The following NELFCD variants were observed in gnomAD, a reference collection of about 807,000 sequenced individuals.
NELFCD encodes the protein negative elongation factor C/D.
In NELFCD, 48 loss-of-function variants were observed where a neutral mutation model predicts 72.9. That is an observed-to-expected ratio of 0.66 (90% CI 0.52 to 0.84). The LOEUF (loss-of-function observed/expected upper bound fraction) is 0.84, where lower values mean the gene tolerates loss of function less well. Among genes scored for constraint, NELFCD ranks in the 40% least tolerant of loss-of-function variants. NELFCD has a pLI of 0.00. For missense variants in NELFCD, 538 were observed against 723.8 expected (o/e 0.74, Z 2.94); for synonymous variants, 297 against 280.6 (o/e 1.06, Z -0.59).
intron 9 of NELFCD, chr20:58,991,660 C>T (rs2091818290): frequency 4.0e-6 from 3 of 743,398 alleles, no homozygotes; most frequent in Non-Finnish European, 6.4e-6. Flanking sequence ...TGAAATGTGA[C>T]TAAAGAAATG....
chr20:58,991,885 A>C lies in NELFCD; in HGVS notation c.1094A>C (p.Lys365Thr). Residue 365 changes from lysine to threonine, a missense_variant, in exon 10 of 15, where the codon AAG becomes ACG. Around this residue, in one of 3 missense-constraint regions of NELFCD, gnomAD observed 355 missense variants for 534.5 expected, o/e 0.66. Coordinates refer to ENST00000652272, the MANE Select transcript of NELFCD (RefSeq NM_198976.4). ...ASVVETWKKN[K>T]RVSINKDELK... ...AGCTTGTGTGTGTGTTTTCAGAACAAGCGAGTGAGCATCAATAAAGATGAG... is the reference window on the plus strand; with the variant it reads ...AGCTTGTGTGTGTGTTTTCAGAACACGCGAGTGAGCATCAATAAAGATGAG... 6.2e-7 allele frequency: 1 copy of C among 1,614,196 alleles called. No individual in the cohort carries two copies. The highest frequency in any genetic ancestry group is 8.5e-7 in the Non-Finnish European group (1 of 1,180,008).
chr20:58,990,636 C>T (rs1410149073), intron 7 of NELFCD: 1 of 348,186 alleles, frequency 2.9e-6, no homozygotes, highest in African/African-American at 2.1e-5. Flanking sequence ...CTCATTGTTA[C>T]AGTGTCGCAA....
rs2091840860 is a variant in NELFCD at position 58,994,256 on chromosome 20, A to G, written c.1711+17A>G. ...AGTTTATAGGTGAGGCCGACTGCCT[A>G]GCCCTTTACTACAATAGAAAATGTC... On this transcript the variant is annotated intron_variant, in intron 14 of 14. Transcript: ENST00000652272. The G allele has an allele frequency of 6.2e-7, 1 of 1,613,064 alleles. No homozygotes were observed. Among genetic ancestry groups the G allele is most frequent in the Non-Finnish European group, 8.5e-7 (1 of 1,179,372 alleles).
chr20:58,983,617 G>A lies in NELFCD; in HGVS notation c.60+2248G>A, dbSNP rs568554780. On this transcript the variant is annotated intron_variant, in intron 1 of 14. Transcript: ENST00000652272. ...ATTTTTGTATTTTTAGTAGAGATGTGGTTTCACCATGTTGGCCAGGCTGGT... is the reference window on the plus strand; with the variant it reads ...ATTTTTGTATTTTTAGTAGAGATGTAGTTTCACCATGTTGGCCAGGCTGGT... 2.0e-5 allele frequency among the ~76,000 whole-genome samples: 3 copies of A among 151,328 alleles called. No homozygotes were observed. The East Asian group carries it at 5.9e-4, about 30-fold the overall frequency.
rs773025848 is a variant in NELFCD at position 58,981,277 on chromosome 20, G to A, written c.-33G>A. ...GCGCATGCGCCGCGCTCGCTCGCGGGAGGGCATGGCGGGGGCCGTGCCGGG... is the reference window on the plus strand; with the variant it reads ...GCGCATGCGCCGCGCTCGCTCGCGGAAGGGCATGGCGGGGGCCGTGCCGGG... On this transcript the variant is annotated 5_prime_UTR_variant, in exon 1 of 15. Coordinates refer to ENST00000652272, the MANE Select transcript of NELFCD (RefSeq NM_198976.4). 4.7e-6 allele frequency: 5 copies of A among 1,065,892 alleles called. No individual in the cohort carries two copies. The highest frequency in any genetic ancestry group is 5.7e-6 in the Non-Finnish European group (5 of 880,432). 66.0% of individuals were successfully genotyped at this position (1,065,892 alleles called of 1,614,324 possible). A position where few individuals can be genotyped will look rare whatever the true frequency, so the allele number is the denominator to read the frequency against.
In NELFCD at chr20:58,994,604, TC is replaced by T. The variant is rs551996490; in HGVS notation, c.1712-36del. Reference sequence around the variant, plus strand: ...AAGAAAGAAAATGTCATGTTCTACTTCCTGTTTCTAACACAGTCACTGTTTT... The same window carrying T: ...AAGAAAGAAAATGTCATGTTCTACTTCTGTTTCTAACACAGTCACTGTTTT... On this transcript the variant is annotated intron_variant, in intron 14 of 14. Transcript: ENST00000652272. 597 of 1,491,504 alleles carry T rather than the reference TC, an allele frequency of 4.0e-4. 1 individual carries two copies. The African/African-American group carries it at 4.5e-3, about 11-fold the overall frequency. 92.4% of individuals were successfully genotyped at this position (1,491,504 alleles called of 1,614,324 possible).
Position 58,994,920 on chromosome 20 carries a change from C to T in NELFCD, c.*244C>T, listed in dbSNP as rs1341114013. 3.9e-6 allele frequency: 2 copies of T among 516,308 alleles called. No homozygotes were observed. Among genetic ancestry groups the T allele is most frequent in the Non-Finnish European group, 6.8e-6 (2 of 292,398 alleles). 32.0% of individuals were successfully genotyped at this position (516,308 alleles called of 1,614,324 possible). ...AATCCTGTTTTCAGTGTTCATTTCC[C>T]TCAAGGCAGGCGCTGGGCTCCCACG... On this transcript the variant is annotated 3_prime_UTR_variant, in exon 15 of 15. Transcript: ENST00000652272.
chr20:58,985,850 T>C (rs995338492), intron 1 of NELFCD, among the ~76,000 whole-genome samples: 1 of 152,130 alleles, frequency 6.6e-6, no homozygotes, highest in African/African-American at 2.4e-5. Flanking sequence ...TTGGGTAACT[T>C]GTGTGAGCAT....
chr20:58,991,957 G>GTT lies in NELFCD; in HGVS notation c.1166_1167insTT (p.Asn390SerfsTer10). On this transcript the variant is annotated frameshift_variant, in exon 10 of 15. Transcript: ENST00000652272. LOFTEE classifies it high-confidence loss of function. ...GTCGAAACCGTTCACAATTTGTGTTGCAACGAGAACAAAGGGGCCTCTGAA... is the reference window on the plus strand; with the variant it reads ...GTCGAAACCGTTCACAATTTGTGTTGTTCAACGAGAACAAAGGGGCCTCTGAA... The GTT allele has an allele frequency of 6.2e-7, 1 of 1,614,204 alleles. No homozygotes were observed. Among genetic ancestry groups the GTT allele is most frequent in the East Asian group, 2.2e-5 (1 of 44,890 alleles).
At position 58,986,723 on chromosome 20, in the gene NELFCD, C is replaced by T. The variant is rs763405169; in HGVS notation, c.177-31C>T. Reference sequence around the variant, plus strand: ...CCTGTTGTCCATCATTCCATTCATTCGGGTGTAATTGCTGTTGTTACTTTC... The same window carrying T: ...CCTGTTGTCCATCATTCCATTCATTTGGGTGTAATTGCTGTTGTTACTTTC... On this transcript the variant is annotated intron_variant, in intron 2 of 14. Transcript: ENST00000652272. This position sits in a 1 kb window ranked among gnomAD's most constrained non-coding sequence, Gnocchi z 4.4. 2.9e-5 allele frequency: 38 copies of T among 1,314,716 alleles called. No homozygotes were observed. Among genetic ancestry groups the T allele is most frequent in the South Asian group, 7.1e-5 (6 of 84,980 alleles). The allele number at this position is 1,314,716 out of a possible 1,614,324, so 81.4% of individuals were successfully genotyped here. A position where few individuals can be genotyped will look rare whatever the true frequency, so the allele number is the denominator to read the frequency against.
intron 3 of NELFCD, chr20:58,987,279 C>T: frequency 4.1e-6 from 1 of 246,310 alleles, no homozygotes; most frequent in Admixed American, 5.3e-5. Context: ...ATCCACGGAG[C>T]CGGGTGCAGA....
chr20:58,984,591 A>G (rs2091759318), intron 1 of NELFCD, among the ~76,000 whole-genome samples: 1 of 152,126 alleles, frequency 6.6e-6, no homozygotes, highest in Non-Finnish European at 1.5e-5. Context: ...TATATGAAGG[A>G]TACCTTTACG....
rs371087478 is a variant in NELFCD, at chr20:58,990,897, T to G, written c.789-13T>G. 71 of 1,606,154 alleles carry G rather than the reference T, an allele frequency of 4.4e-5. No individual in the cohort carries two copies. Among genetic ancestry groups the G allele is most frequent in the Non-Finnish European group, 5.7e-5 (67 of 1,176,186 alleles). On this transcript the variant is annotated splice_polypyrimidine_tract_variant and intron_variant, in intron 7 of 14. Coordinates refer to ENST00000652272, the MANE Select transcript of NELFCD (RefSeq NM_198976.4). Reference sequence around the variant, plus strand: ...CCTTGTTAGTAACGGGGTCTATGGTTTTTCTCATCAAGAGGTCATGACGCC... The same window carrying G: ...CCTTGTTAGTAACGGGGTCTATGGTGTTTCTCATCAAGAGGTCATGACGCC...
chr20:58,994,821 A>G lies in NELFCD; in HGVS notation c.*145A>G. On this transcript the variant is annotated 3_prime_UTR_variant, in exon 15 of 15. Coordinates refer to ENST00000652272, the MANE Select transcript of NELFCD (RefSeq NM_198976.4). Reference sequence around the variant, plus strand: ...GGTGGATGACTTCTTTACAAAGGAAAATGGTAGCAGCTTCAGTGAGAAACT... The same window carrying G: ...GGTGGATGACTTCTTTACAAAGGAAGATGGTAGCAGCTTCAGTGAGAAACT... 1.5e-6 allele frequency: 1 copy of G among 679,530 alleles called. No individual in the cohort carries two copies. Among genetic ancestry groups the G allele is most frequent in the Non-Finnish European group, 2.7e-6 (1 of 377,244 alleles). 42.1% of individuals were successfully genotyped at this position (679,530 alleles called of 1,614,324 possible). A position where few individuals can be genotyped will look rare whatever the true frequency, so the allele number is the denominator to read the frequency against.
At chr20:58,989,817 C>T (rs1425011404) in intron 6 of NELFCD, 41 bp from the exon 7 acceptor site, 2 of 1,613,636 alleles carry the variant, frequency 1.2e-6, no homozygotes, top group East Asian at 2.2e-5. Context: ...GTCTGTGCTA[C>T]AGTAGTAAAC....
intron 1 of NELFCD, among the ~76,000 whole-genome samples, chr20:58,985,397 T>G (rs557335057): frequency 1.3e-4 from 20 of 152,334 alleles, no homozygotes; most frequent in Non-Finnish European, 2.5e-4. Flanking sequence ...TCAAAAAGCA[T>G]CTGCTTGTTA....
In NELFCD at chr20:58,993,387, G is replaced by T; in HGVS notation, c.1345-62G>T. On this transcript the variant is annotated intron_variant, in intron 11 of 14. Transcript: ENST00000652272. This position sits in a 1 kb window ranked among gnomAD's most constrained non-coding sequence, Gnocchi z 5.0. ...TCTTTGGTGGCTGTGACAGTGCCCA[G>T]TTTCTCTGTGTGCTGAGCGTGACCA... 1.3e-6 allele frequency: 2 copies of T among 1,520,640 alleles called. No individual in the cohort carries two copies. The highest frequency in any genetic ancestry group is 1.7e-5 in the Admixed American group (1 of 57,794). The allele number at this position is 1,520,640 out of a possible 1,614,324, so 94.2% of individuals were successfully genotyped here. A position where few individuals can be genotyped will look rare whatever the true frequency, so the allele number is the denominator to read the frequency against.
chr20:58,988,983 G>T lies in NELFCD; in HGVS notation c.466G>T (p.Ala156Ser), dbSNP rs750031334. 2.5e-6 allele frequency: 4 copies of T among 1,614,108 alleles called. No individual in the cohort carries two copies. The highest frequency in any genetic ancestry group is 1.1e-5 in the South Asian group (1 of 91,080). Residue 156 changes from alanine to serine, a missense_variant, in exon 5 of 15, where the codon GCC becomes TCC. This residue lies in a region of NELFCD where 355 missense variants were observed against 534.5 expected (regional missense o/e 0.66). Transcript: ENST00000652272. ...WRDLFYKLAEAHPDCLMLNFT... is the reference protein window; with the variant it reads ...WRDLFYKLAESHPDCLMLNFT... ...GGACCTTTTTTATAAACTGGCTGAA[G>T]CCCATCCAGACTGTTTGATGCTGAA... is the stretch of plus-strand genomic sequence containing the variant.
chr20:58,981,441 C>T, intron 1 of NELFCD, 72 bp downstream of exon 1: 1 of 638,246 alleles, frequency 1.6e-6, no homozygotes, highest in South Asian at 6.9e-5. Context: ...GCCCCACTCC[C>T]GGAGAGGCCG....
Sources: gnomAD v4.1 joint callset for allele counts (sites outside exome capture counted in the v4.1 genomes callset) on GRCh38, gnomAD v4.1.1 for gene constraint, gnomAD v4.1.1 regional missense constraint, Gnocchi (gnomAD v3.1) non-coding constraint, MANE v1.5 for transcripts, NCBI Gene and HGNC (gene_info 2026-07-23, HGNC 2026-07-21) for gene names.